GUCY1A2: variants seen among roughly 807,000 people sequenced by gnomAD.
GUCY1A2 encodes the protein guanylate cyclase 1 soluble subunit alpha 2.
In GUCY1A2, 27 loss-of-function variants were observed where a neutral mutation model predicts 63.5. The ratio of observed to expected loss-of-function variants is 0.43; its 90% CI spans 0.31 to 0.59. The LOEUF (loss-of-function observed/expected upper bound fraction) is 0.59. Among genes scored for constraint, GUCY1A2 ranks in the 20% least tolerant of loss-of-function variants. The pLI is 0.11. For missense variants in GUCY1A2, 768 were observed against 913.3 expected, an observed-to-expected ratio of 0.84 and a Z score of 2.05; for synonymous variants, 364 against 343.5, an observed-to-expected ratio of 1.06 and a Z score of -0.66.
intron 4 of GUCY1A2, among the ~76,000 whole-genome samples, chr11:106,927,174 C>T (rs1860535949): frequency 6.6e-6 from 1 of 151,652 alleles, no homozygotes; most frequent in Non-Finnish European, 1.5e-5. Context: ...GAGATCGAGA[C>T]CATCCTGGTG....
chr11:106,809,984 C>CTCCCTTACCTTATAAATA lies in GUCY1A2; in HGVS notation c.1683_1692+8dup, dbSNP rs775228026. 2.6e-6 allele frequency: 4 copies of CTCCCTTACCTTATAAATA among 1,537,988 alleles called. No individual in the cohort carries two copies. The South Asian group carries it at 4.8e-5, about 18-fold the overall frequency. ...AAACATTTATATGTAAGTAACTAAA[C>CTCCCTTACCTTATAAATA]TCCCTTACCTTATAAATATCCAAAA... On this transcript the variant is annotated intron_variant, in intron 5 of 7. Transcript: ENST00000526355.
Position 106,729,275 on chromosome 11 carries a change from C to T in GUCY1A2, c.1837-20609G>A, listed in dbSNP as rs546230747. On this transcript the variant is annotated intron_variant, in intron 6 of 7. Coordinates refer to ENST00000526355, the MANE Select transcript of GUCY1A2 (RefSeq NM_000855.3). ...TTGGTGGGGACTGCTGTCTTACTGCCGTTATCCAATACATACTCTGAGCGT... is the reference window on the plus strand; with the variant it reads ...TTGGTGGGGACTGCTGTCTTACTGCTGTTATCCAATACATACTCTGAGCGT... Among the ~76,000 whole-genome samples the T allele has an allele frequency of 7.9e-5, 12 of 152,172 alleles. 1 individual carries two copies. In the South Asian group the frequency reaches 2.5e-3, roughly 32 times the overall value.
At position 106,685,308 on chromosome 11, in the gene GUCY1A2, C is replaced by G. The variant is rs190969560; in HGVS notation, c.*2241G>C. On this transcript the variant is annotated 3_prime_UTR_variant, in exon 8 of 8. Transcript: ENST00000526355. ...ATTGAGATATATAAATACAATACTT[C>G]TCTCCAGGCCTATCACTAGTATTGA... The G allele has an allele frequency of 8.1e-4, 168 of 207,492 alleles. No individual in the cohort carries two copies. Among genetic ancestry groups the G allele is most frequent in the Non-Finnish European group, 1.2e-3 (121 of 101,790 alleles). 12.9% of individuals were successfully genotyped at this position (207,492 alleles called of 1,614,324 possible). A position where few individuals can be genotyped will look rare whatever the true frequency, so the allele number is the denominator to read the frequency against.
intron 4 of GUCY1A2, among the ~76,000 whole-genome samples, chr11:106,906,381 C>G (rs964413252): frequency 1.3e-5 from 2 of 152,102 alleles, no homozygotes; most frequent in African/African-American, 4.8e-5. Flanking sequence ...AAATCAAAAC[C>G]ACAATGAGAT....
rs142255055 is a variant in GUCY1A2, at chr11:106,733,028, G to T, written c.1837-24362C>A. The stretch of plus-strand genomic sequence containing the variant: ...ATAATCACAGACAACTGTAATCTAA[G>T]ATTATTTGTTATACTTTCTTTCAAC... On this transcript the variant is annotated intron_variant, in intron 6 of 7. Transcript: ENST00000526355. Among the ~76,000 whole-genome samples the T allele has an allele frequency of 6.7e-3, 1,015 of 152,202 alleles. 12 individuals carry two copies. The highest frequency in any genetic ancestry group is 0.022 in the African/African-American group (921 of 41,546).
chr11:106,913,978 T>C (rs115451507), intron 4 of GUCY1A2, among the ~76,000 whole-genome samples: 2,554 of 54,754 alleles, frequency 0.047, 62 homozygotes, highest in African/African-American at 0.15. Flanking sequence ...AATCAGGTAA[T>C]GAAAAAGCAA....
At chr11:106,819,275 C>T (rs1858870118) in intron 4 of GUCY1A2, among the ~76,000 whole-genome samples, 1 of 152,072 alleles carries the variant, frequency 6.6e-6, no homozygotes, top group Admixed American at 6.6e-5. Context: ...AGAATATTAC[C>T]TAAAATTAGT....
chr11:106,743,959 A>C (rs2135380436), intron 6 of GUCY1A2, among the ~76,000 whole-genome samples: 1 of 152,320 alleles, frequency 6.6e-6, no homozygotes, highest in South Asian at 2.1e-4. Flanking sequence ...GTAAGTCCCT[A>C]GTTTAAGAAT....
At chr11:106,871,765 C>T (rs1565316083) in intron 4 of GUCY1A2, among the ~76,000 whole-genome samples, 1 of 152,038 alleles carries the variant, frequency 6.6e-6, no homozygotes, top group Admixed American at 6.6e-5. Flanking sequence ...TTTCTATTTG[C>T]TTTAAGGTTA....
chr11:106,839,914 C>T (rs995132833), intron 4 of GUCY1A2, among the ~76,000 whole-genome samples: 26 of 151,236 alleles, frequency 1.7e-4, no homozygotes, highest in East Asian at 7.9e-4. Flanking sequence ...GTGTAAATGA[C>T]GAGTTAATGG....
intron 3 of GUCY1A2, among the ~76,000 whole-genome samples, chr11:106,958,577 T>C (rs1367289776): frequency 6.7e-6 from 1 of 150,066 alleles, no homozygotes; most frequent in Non-Finnish European, 1.5e-5. Flanking sequence ...TAATTCCAAG[T>C]GCATTAAAGG....
rs1466260319 is a variant in GUCY1A2, at chr11:106,679,861, C to T, written c.*7688G>A. 1 of 217,474 alleles carries T rather than the reference C, an allele frequency of 4.6e-6. No homozygotes were observed. The highest frequency in any genetic ancestry group is 9.2e-6 in the Non-Finnish European group (1 of 108,312). The allele number at this position is 217,474 out of a possible 1,614,324, so 13.5% of individuals were successfully genotyped here. ...ACCTTCAGAAAGCATCTATTTGTAG[C>T]TCTGTAAGCTTCTATCCCAGCTTCA... On this transcript the variant is annotated 3_prime_UTR_variant, in exon 8 of 8. Coordinates refer to ENST00000526355, the MANE Select transcript of GUCY1A2 (RefSeq NM_000855.3).
chr11:106,685,591 T>C lies in GUCY1A2; in HGVS notation c.*1958A>G, dbSNP rs1408819739. The C allele has an allele frequency of 4.4e-6, 1 of 228,132 alleles. No homozygotes were observed. Among genetic ancestry groups the C allele is most frequent in the Non-Finnish European group, 8.7e-6 (1 of 114,860 alleles). 14.1% of individuals were successfully genotyped at this position (228,132 alleles called of 1,614,324 possible). ...ATAGGCATAAATGACATCAGTGAGC[T>C]TGTTCCCTCCCCATGCTCCAGTGCT... On this transcript the variant is annotated 3_prime_UTR_variant, in exon 8 of 8. Coordinates refer to ENST00000526355, the MANE Select transcript of GUCY1A2 (RefSeq NM_000855.3).
At chr11:106,949,828 G>A (rs946215749) in intron 3 of GUCY1A2, among the ~76,000 whole-genome samples, 1 of 152,152 alleles carries the variant, frequency 6.6e-6, no homozygotes, top group Non-Finnish European at 1.5e-5. Flanking sequence ...ACTAAATGAA[G>A]ACCACTATAG....
chr11:106,771,457 A>T (rs1864252544), intron 6 of GUCY1A2, among the ~76,000 whole-genome samples: 1 of 152,198 alleles, frequency 6.6e-6, no homozygotes, highest in Non-Finnish European at 1.5e-5. Context: ...TTTAAAATTT[A>T]AAAATTCAGT....
chr11:106,721,641 AG>A (rs1319531131), intron 6 of GUCY1A2, among the ~76,000 whole-genome samples: 1 of 152,204 alleles, frequency 6.6e-6, no homozygotes, highest in Non-Finnish European at 1.5e-5. Flanking sequence ...CGTCAGCAGT[AG>A]GTCTCTCAAC....
At chr11:106,845,170 G>A (rs1334169226) in intron 4 of GUCY1A2, among the ~76,000 whole-genome samples, 1 of 151,424 alleles carries the variant, frequency 6.6e-6, no homozygotes, top group Admixed American at 6.6e-5. Context: ...AATGTCCAGA[G>A]TCTACTCCAG....
At chr11:106,791,266 T>TC (rs1414368631) in intron 5 of GUCY1A2, among the ~76,000 whole-genome samples, 1 of 152,138 alleles carries the variant, frequency 6.6e-6, no homozygotes, top group Non-Finnish European at 1.5e-5. Context: ...CAGCACTGAG[T>TC]TCAATACAAA....
intron 6 of GUCY1A2, among the ~76,000 whole-genome samples, chr11:106,733,671 A>G (rs1229783757): frequency 2.0e-5 from 3 of 151,906 alleles, no homozygotes; most frequent in Non-Finnish European, 4.4e-5. Context: ...AGAAGTACTG[A>G]GCGAGCTGAC....
Sources: gnomAD v4.1 joint callset for allele counts (sites outside exome capture counted in the v4.1 genomes callset) on GRCh38, gnomAD v4.1.1 for gene constraint, MANE v1.5 for transcripts, NCBI Gene and HGNC (gene_info 2026-07-23, HGNC 2026-07-21) for gene names.